Variants in DPP4 observed in about 807,000 individuals in gnomAD.
DPP4 encodes the protein ADCP-2.
In DPP4, 93 loss-of-function variants were observed where a neutral mutation model predicts 122.4. The ratio of observed to expected loss-of-function variants is 0.76; its 90% CI spans 0.64 to 0.90. The LOEUF (loss-of-function observed/expected upper bound fraction) is 0.90, where lower values mean the gene tolerates loss of function less well. Ranked by LOEUF, DPP4 falls within the 40% of genes least tolerant of loss-of-function variation. The pLI is 0.00. For synonymous variants in DPP4, 321 were observed against 302.9 expected, an observed-to-expected ratio of 1.06 and a Z score of -0.62; for missense variants, 914 against 907.3, an observed-to-expected ratio of 1.01 and a Z score of -0.09.
intron 2 of DPP4, 66 bp from the exon 3 acceptor site, chr2:162,047,567 T>C: frequency 9.1e-7 from 1 of 1,098,590 alleles, no homozygotes; most frequent in Non-Finnish European, 1.3e-6. Flanking sequence ...TTGGATAAAA[T>C]AAACAAATGG....
At chr2:161,997,516 T>G (rs566191547) in intron 23 of DPP4, among the ~76,000 whole-genome samples, 57 of 152,224 alleles carry the variant, frequency 3.7e-4, no homozygotes, top group Non-Finnish European at 7.8e-4. Context: ...GATCAAGCAC[T>G]TGCAGTGTCC....
chr2:162,054,241 T>C (rs554732035), intron 2 of DPP4, among the ~76,000 whole-genome samples: 6 of 152,306 alleles, frequency 3.9e-5, no homozygotes, highest in African/African-American at 9.6e-5. Flanking sequence ...TACCCCACCA[T>C]TGTATTTTGG....
At chr2:162,018,059 A>G (rs1340318049) in intron 16 of DPP4, among the ~76,000 whole-genome samples, 2 of 152,226 alleles carry the variant, frequency 1.3e-5, no homozygotes, top group African/African-American at 2.4e-5. Context: ...AGTCAGTCAT[A>G]GTAAAGAACC....
intron 23 of DPP4, 125 bp from the exon 24 acceptor site, chr2:161,995,497 G>A (rs1485360810): frequency 7.8e-6 from 6 of 771,944 alleles, no homozygotes; most frequent in East Asian, 2.6e-5. Flanking sequence ...ATAGCAAACC[G>A]ATATTCAAGC....
rs181061369 is a variant in DPP4 at position 162,011,598 on chromosome 2, G to T, written c.1832+195C>A. Reference sequence around the variant, plus strand: ...GGAATTTAGGAAATGCTTTTTTTTTGAACTTCATATCAATCTATAATGTAA... The same window carrying T: ...GGAATTTAGGAAATGCTTTTTTTTTTAACTTCATATCAATCTATAATGTAA... On this transcript the variant is annotated intron_variant, in intron 20 of 25. Transcript: ENST00000360534. Among the ~76,000 whole-genome samples the T allele has an allele frequency of 3.3e-5, 5 of 151,010 alleles. No individual in the cohort carries two copies. In the South Asian group the frequency reaches 8.3e-4, roughly 25 times the overall value.
In DPP4 at chr2:161,993,250, A is replaced by T; in HGVS notation, c.*33T>A. The stretch of plus-strand genomic sequence containing the variant: ...GATAATGAAAACAAAAATGAGTTTT[A>T]ATAAGCTTTAAATGGCATGGTATTT... On this transcript the variant is annotated 3_prime_UTR_variant, in exon 26 of 26. Transcript: ENST00000360534. The T allele has an allele frequency of 6.5e-7, 1 of 1,527,568 alleles. No individual in the cohort carries two copies. The highest frequency in any genetic ancestry group is 9.1e-7 in the Non-Finnish European group (1 of 1,102,106). The allele number at this position is 1,527,568 out of a possible 1,614,324, so 94.6% of individuals were successfully genotyped here. A position where few individuals can be genotyped will look rare whatever the true frequency, so the allele number is the denominator to read the frequency against.
chr2:162,057,127 G>A (rs1363149139), intron 2 of DPP4, among the ~76,000 whole-genome samples: 1 of 152,104 alleles, frequency 6.6e-6, no homozygotes, highest in Non-Finnish European at 1.5e-5. Context: ...AAGCTTTGAG[G>A]GAGTCAATTT....
intron 2 of DPP4, among the ~76,000 whole-genome samples, chr2:162,057,701 C>G (rs760740862): frequency 1.3e-5 from 2 of 152,142 alleles, no homozygotes; most frequent in Admixed American, 1.3e-4. Flanking sequence ...TCTCAGTTAC[C>G]TCAGAGTTTC....
Position 162,035,225 on chromosome 2 carries a change from T to C in DPP4, c.713A>G (p.Tyr238Cys). Residue 238 changes from tyrosine to cysteine, a missense_variant, in exon 9 of 26, where the codon TAC (tyrosine) becomes TGC (cysteine). Tyr to Cys is a radical substitution (Grantham distance 194). Coordinates refer to ENST00000360534, the MANE Select transcript of DPP4 (RefSeq NM_001935.4). ...CAGTGACTCATCAGAGTAGAAGGAG[T>C]ATTCAATAAGTGGGACTTCTGTGTC... The part of the protein sequence containing the change: ...FNDTEVPLIE[Y>C]SFYSDESLQY... 1 of 1,613,736 alleles carries C rather than the reference T, an allele frequency of 6.2e-7. No individual in the cohort carries two copies. The highest frequency in any genetic ancestry group is 8.5e-7 in the Non-Finnish European group (1 of 1,179,940).
intron 10 of DPP4, among the ~76,000 whole-genome samples, chr2:162,033,304 G>C (rs780081610): frequency 2.0e-5 from 3 of 151,964 alleles, no homozygotes; most frequent in Non-Finnish European, 4.4e-5. Context: ...TTGAATGTAG[G>C]CTCCATAACA....
intron 23 of DPP4, among the ~76,000 whole-genome samples, chr2:161,996,177 G>T (rs1700997533): frequency 6.6e-6 from 1 of 152,172 alleles, no homozygotes; most frequent in Admixed American, 6.5e-5. Context: ...AAAGCCATTT[G>T]AAATCATCTA....
intron 22 of DPP4, among the ~76,000 whole-genome samples, chr2:162,006,268 A>C (rs2106082420): frequency 6.6e-6 from 1 of 152,274 alleles, no homozygotes; most frequent in African/African-American, 2.4e-5. Context: ...TTGTGTTGAA[A>C]TTTTTTGGTT....
rs200111166 is a variant in DPP4 at position 161,992,971 on chromosome 2, C to T, written c.*312G>A. On this transcript the variant is annotated 3_prime_UTR_variant, in exon 26 of 26. Coordinates refer to ENST00000360534, the MANE Select transcript of DPP4 (RefSeq NM_001935.4). The stretch of plus-strand genomic sequence containing the variant: ...GTCCAGTTAGAAAAAGATTAAAATC[C>T]TGCTCAGGGAATCTATGCAAAGCCT... 1 of 270,212 alleles carries T rather than the reference C, an allele frequency of 3.7e-6. No homozygotes were observed. Among genetic ancestry groups the T allele is most frequent in the Non-Finnish European group, 7.2e-6 (1 of 138,128 alleles). The allele number at this position is 270,212 out of a possible 1,614,324, so 16.7% of individuals were successfully genotyped here.
intron 14 of DPP4, among the ~76,000 whole-genome samples, chr2:162,019,874 G>A (rs528063094): frequency 6.6e-6 from 1 of 152,266 alleles, no homozygotes; most frequent in African/African-American, 2.4e-5. Context: ...GCCGGGACAT[G>A]GACAGATAAA....
intron 10 of DPP4, among the ~76,000 whole-genome samples, chr2:162,027,293 A>G (rs1272308417): frequency 6.6e-6 from 1 of 151,546 alleles, no homozygotes; most frequent in East Asian, 1.9e-4. Context: ...GGAGGTTGTG[A>G]TGAGCCAAGA....
chr2:162,041,134 C>G (rs1393973418), intron 5 of DPP4, among the ~76,000 whole-genome samples: 1 of 151,436 alleles, frequency 6.6e-6, no homozygotes, highest in Non-Finnish European at 1.5e-5. Context: ...CTTTAGAGAG[C>G]CAAGTGAAGA....
At chr2:162,033,339 T>C (rs1683629250) in intron 10 of DPP4, among the ~76,000 whole-genome samples, 1 of 152,190 alleles carries the variant, frequency 6.6e-6, no homozygotes, top group Admixed American at 6.5e-5. Context: ...CTCTGTCCAT[T>C]GTCATCCTCA....
chr2:162,015,314 A>G (rs1682869482), intron 18 of DPP4, among the ~76,000 whole-genome samples: 1 of 152,212 alleles, frequency 6.6e-6, no homozygotes, highest in Non-Finnish European at 1.5e-5. Context: ...AAAGAAAAGA[A>G]AGATTTGGGA....
At position 162,017,115 on chromosome 2, in the gene DPP4, A is replaced by G. The variant is rs774072321; in HGVS notation, c.1461T>C (p.Asn487=). ...TAAAATATGAGAAAATACCTTTATC[A>G]TTCACGCTGCTGTGTAGAGTATAGA... is the stretch of plus-strand genomic sequence containing the variant. ...LPLYTLHSSV[N]DKGLRVLEDN... Residue 487 remains asparagine, a synonymous_variant, in exon 17 of 26, where the codon AAT becomes AAC. Transcript: ENST00000360534. The G allele has an allele frequency of 1.2e-6, 2 of 1,612,190 alleles. No homozygotes were observed. The highest frequency in any genetic ancestry group is 1.1e-5 in the South Asian group (1 of 90,850).
Sources: allele counts gnomAD v4.1 joint callset (sites outside exome capture counted in the v4.1 genomes callset), GRCh38; gene constraint gnomAD v4.1.1; transcripts MANE v1.5; gene names NCBI Gene and HGNC (gene_info 2026-07-23, HGNC 2026-07-21).